LPAR1: variants seen among roughly 807,000 people sequenced by gnomAD.
LPAR1 encodes LPA receptor 1.
LPAR1 carries 5 observed loss-of-function variants against 23.8 expected under a neutral mutation model. The observed-to-expected ratio is 0.21, with a 90% CI of 0.11 to 0.44. The LOEUF is 0.44. LPAR1 is among the 20% of genes least tolerant of loss of function. LPAR1 has a pLI of 0.99. For synonymous variants in LPAR1, 160 were observed against 164.7 expected, an observed-to-expected ratio of 0.97 and a Z score of 0.22; for missense variants, 311 against 482.8, an observed-to-expected ratio of 0.64 and a Z score of 3.33.
At chr9:110,886,988 T>C (rs1175752846) in intron 5 of LPAR1, among the ~76,000 whole-genome samples, 1 of 152,172 alleles carries the variant, frequency 6.6e-6, no homozygotes, top group Middle Eastern at 3.2e-3. Flanking sequence ...AATCTTTCCC[T>C]AGCAAAAGTT....
intron 2 of LPAR1, among the ~76,000 whole-genome samples, chr9:111,007,017 T>TGGG (rs1421093762): frequency 6.6e-6 from 1 of 152,140 alleles, no homozygotes; most frequent in Non-Finnish European, 1.5e-5. Flanking sequence ...TTTAAAAGTA[T>TGGG]GTGTCACCTC....
At chr9:110,943,874 A>G (rs1428982233) in intron 4 of LPAR1, among the ~76,000 whole-genome samples, 2 of 151,966 alleles carry the variant, frequency 1.3e-5, no homozygotes, top group Admixed American at 6.6e-5. Flanking sequence ...TCAAAAAAAA[A>G]AAAAAAAAAG....
At chr9:110,971,733 C>A (rs1588619943) in intron 4 of LPAR1, among the ~76,000 whole-genome samples, 2 of 127,400 alleles carry the variant, frequency 1.6e-5, no homozygotes, top group Admixed American at 7.6e-5. Context: ...ACCCCACCCC[C>A]CGGCCCACAA....
intron 2 of LPAR1, among the ~76,000 whole-genome samples, chr9:110,978,816 T>C (rs1172947253): frequency 6.6e-6 from 1 of 152,192 alleles, no homozygotes; most frequent in African/African-American, 2.4e-5. Context: ...ATTGCACTTA[T>C]TCAAACAAAA....
At chr9:111,008,583 C>A (rs1260876642) in intron 2 of LPAR1, among the ~76,000 whole-genome samples, 1 of 152,128 alleles carries the variant, frequency 6.6e-6, no homozygotes, top group African/African-American at 2.4e-5. Context: ...GCTGGGACAT[C>A]CTACCCTTAA....
chr9:110,942,328 C>A (rs2095160799), intron 4 of LPAR1, among the ~76,000 whole-genome samples, 160 bp from the exon 5 acceptor site: 1 of 152,194 alleles, frequency 6.6e-6, no homozygotes, highest in African/African-American at 2.4e-5. Flanking sequence ...TATGTTGAAA[C>A]TCCAAGGTTT....
Position 110,875,528 on chromosome 9 carries a change from G to A in LPAR1, c.988C>T (p.Arg330Cys), listed in dbSNP as rs187429734. 3.7e-6 allele frequency: 6 copies of A among 1,614,100 alleles called. No individual in the cohort carries two copies. Among genetic ancestry groups the A allele is most frequent in the East Asian group, 4.5e-5 (2 of 44,870 alleles). Reference sequence around the variant, plus strand: ...GTGGGGCCGGTGGGGTTCTCACTGCGCTGGCAGCAGAGGATCTGCCTAAAG... The same window carrying A: ...GTGGGGCCGGTGGGGTTCTCACTGCACTGGCAGCAGAGGATCTGCCTAAAG... Reference protein sequence around the residue: ...ATFRQILCCQRSENPTGPTEG... With the variant: ...ATFRQILCCQCSENPTGPTEG... Residue 330 changes from arginine to cysteine, a missense_variant, in exon 6 of 6, where the codon CGC (arginine) becomes TGC (cysteine). This residue lies in a region of LPAR1 where 250 missense variants were observed against 427.2 expected (regional missense o/e 0.59). Coordinates refer to ENST00000683809, the MANE Select transcript of LPAR1 (RefSeq NM_001351411.2).
Position 110,875,775 on chromosome 9 carries a change from A to G in LPAR1, c.794-53T>C, listed in dbSNP as rs929261788. On this transcript the variant is annotated intron_variant, in intron 5 of 5. Transcript: ENST00000683809. ...GGATTTTTAAAAAGAGAATGAAAAA[A>G]TATTATAAAACATGCGACCATAAAG... is the stretch of plus-strand genomic sequence containing the variant. 11 of 1,026,586 alleles carry G rather than the reference A, an allele frequency of 1.1e-5. No individual in the cohort carries two copies. In the East Asian group the frequency reaches 1.8e-4, roughly 17 times the overall value. The allele number at this position is 1,026,586 out of a possible 1,614,324, so 63.6% of individuals were successfully genotyped here. A position where few individuals can be genotyped will look rare whatever the true frequency, so the allele number is the denominator to read the frequency against.
At chr9:111,019,399 T>C (rs1194651347) in intron 2 of LPAR1, among the ~76,000 whole-genome samples, 1 of 152,170 alleles carries the variant, frequency 6.6e-6, no homozygotes, top group Non-Finnish European at 1.5e-5. Flanking sequence ...TACTTTAAGA[T>C]GTGTTCACTG....
chr9:110,925,938 TGA>T (rs1372895779), intron 5 of LPAR1, among the ~76,000 whole-genome samples: 2 of 152,220 alleles, frequency 1.3e-5, no homozygotes, highest in Non-Finnish European at 2.9e-5. Flanking sequence ...TTTGTTTTTT[TGA>T]GTTGGACTCT....
intron 2 of LPAR1, among the ~76,000 whole-genome samples, chr9:110,987,708 C>T (rs2096816210): frequency 6.6e-6 from 1 of 151,326 alleles, no homozygotes; most frequent in Non-Finnish European, 1.5e-5. Flanking sequence ...CCCTCCATAC[C>T]TGTGGGGTTC....
chr9:110,940,185 T>C (rs1400924976), intron 5 of LPAR1, among the ~76,000 whole-genome samples: 1 of 152,210 alleles, frequency 6.6e-6, no homozygotes, highest in African/African-American at 2.4e-5. Flanking sequence ...GTTGCTATTC[T>C]CACAGGTCTA....
intron 5 of LPAR1, among the ~76,000 whole-genome samples, chr9:110,924,626 A>T (rs1407513437): frequency 1.3e-5 from 2 of 152,076 alleles, no homozygotes; most frequent in South Asian, 4.1e-4. Context: ...AAGCCCACTG[A>T]GTTCAATTCC....
intron 2 of LPAR1, among the ~76,000 whole-genome samples, chr9:111,005,256 A>G (rs2097194591): frequency 6.6e-6 from 1 of 151,702 alleles, no homozygotes; most frequent in Non-Finnish European, 1.5e-5. Context: ...AAAATTGTGG[A>G]AATCCTTTCA....
At chr9:110,913,645 C>T (rs1264993262) in intron 5 of LPAR1, among the ~76,000 whole-genome samples, 2 of 151,730 alleles carry the variant, frequency 1.3e-5, no homozygotes, top group East Asian at 3.9e-4. Flanking sequence ...TTAAGTATGC[C>T]CACAAACAAA....
chr9:111,024,545 TATATATATACACACAC>T (rs141132389), intron 2 of LPAR1, among the ~76,000 whole-genome samples: 74,582 of 144,352 alleles, frequency 0.52, 19,437 homozygotes, highest in East Asian at 0.67. Context: ...TGTGTGTGTG[TATATATATACACACAC>T]ATATATATAC....
At position 110,874,646 on chromosome 9, in the gene LPAR1, A is replaced by G. The variant is rs998608058; in HGVS notation, c.*775T>C. 10 of 152,632 alleles carry G rather than the reference A, an allele frequency of 6.6e-5. No individual in the cohort carries two copies. The highest frequency in any genetic ancestry group is 2.4e-4 in the African/African-American group (10 of 41,456). The allele number at this position is 152,632 out of a possible 1,614,324, so 9.5% of individuals were successfully genotyped here. ...ACAATATTATAGTGCTTCATCTTCT[A>G]TGACTTTTTTGGAATACATATCACT... On this transcript the variant is annotated 3_prime_UTR_variant, in exon 6 of 6. Transcript: ENST00000683809.
At chr9:110,945,603 T>C (rs1431229848) in intron 4 of LPAR1, among the ~76,000 whole-genome samples, 1 of 152,244 alleles carries the variant, frequency 6.6e-6, no homozygotes, top group Non-Finnish European at 1.5e-5. Flanking sequence ...CAAATTGCTA[T>C]AAATTTAGCA....
intron 4 of LPAR1, among the ~76,000 whole-genome samples, chr9:110,957,655 C>T (rs1382193233): frequency 6.6e-6 from 1 of 152,084 alleles, no homozygotes; most frequent in African/African-American, 2.4e-5. Flanking sequence ...AAGCTGAAAG[C>T]CTTTCTTCTA....
Sources: gnomAD v4.1 joint callset for allele counts (sites outside exome capture counted in the v4.1 genomes callset) on GRCh38, gnomAD v4.1.1 for gene constraint, gnomAD v4.1.1 regional missense constraint, MANE v1.5 for transcripts, NCBI Gene and HGNC (gene_info 2026-07-23, HGNC 2026-07-21) for gene names.